Variants in EXOC6 observed in about 807,000 individuals in gnomAD.
EXOC6 encodes the protein exocyst complex component 6, also known as SEC15-like 1.
A neutral mutation model predicts 112.5 loss-of-function variants in EXOC6; 60 were observed. The observed-to-expected ratio is 0.53, with a 90% CI of 0.43 to 0.66. The LOEUF (loss-of-function observed/expected upper bound fraction) is 0.66. EXOC6 is among the 30% of genes least tolerant of loss of function. EXOC6 has a pLI of 0.00. For missense variants in EXOC6, 855 were observed against 957.1 expected, an observed-to-expected ratio of 0.89 and a Z score of 1.41; for synonymous variants, 295 against 308.0, an observed-to-expected ratio of 0.96 and a Z score of 0.44.
At chr10:92,873,696 A>C (rs1011045293) in intron 1 of EXOC6, among the ~76,000 whole-genome samples, 6 of 152,114 alleles carry the variant, frequency 3.9e-5, no homozygotes, top group Non-Finnish European at 8.8e-5. Flanking sequence ...TCATGGAAAA[A>C]CACATAGAAC....
At chr10:92,940,868 C>T (rs768431429) in intron 13 of EXOC6, 44 bp downstream of exon 13, 4 of 1,252,978 alleles carry the variant, frequency 3.2e-6, no homozygotes, top group African/African-American at 3.0e-5. Flanking sequence ...ATATGTTTGT[C>T]AAATGCTCAA....
chr10:92,882,682 T>A (rs1355663204), intron 1 of EXOC6, among the ~76,000 whole-genome samples: 1 of 152,176 alleles, frequency 6.6e-6, no homozygotes, highest in Non-Finnish European at 1.5e-5. Flanking sequence ...TTAAATAATA[T>A]TTTAGCCCAT....
chr10:92,861,163 C>T (rs1467304447), intron 1 of EXOC6, among the ~76,000 whole-genome samples: 2 of 152,242 alleles, frequency 1.3e-5, no homozygotes, highest in Non-Finnish European at 2.9e-5. Flanking sequence ...CTCTGTTCTA[C>T]ATAAGGTCAG....
At chr10:92,941,170 A>G (rs1852647837) in intron 13 of EXOC6, among the ~76,000 whole-genome samples, 1 of 152,200 alleles carries the variant, frequency 6.6e-6, no homozygotes, top group African/African-American at 2.4e-5. Context: ...TGTAAGTGGA[A>G]TCAGATATGT....
intron 1 of EXOC6, among the ~76,000 whole-genome samples, chr10:92,878,954 A>G (rs918293725): frequency 2.6e-5 from 4 of 152,202 alleles, no homozygotes; most frequent in African/African-American, 7.2e-5. Context: ...AAAAATATGT[A>G]TGTATTTCAG....
chr10:92,914,807 C>A lies in EXOC6; in HGVS notation c.664-951C>A, dbSNP rs868532302. Among the ~76,000 whole-genome samples, 6 of 152,264 alleles carry A rather than the reference C, an allele frequency of 3.9e-5. No homozygotes were observed. In the Middle Eastern group the frequency reaches 0.01, roughly 259 times the overall value. ...CTAAAATAGCCAGTGCACGACCTTT[C>A]TATGTGCTAACAGAACAAAATAGCA... On this transcript the variant is annotated intron_variant, in intron 6 of 21. Coordinates refer to ENST00000260762, the MANE Select transcript of EXOC6 (RefSeq NM_019053.6).
upstream of EXOC6, among the ~76,000 whole-genome samples, chr10:92,846,278 G>T (rs1467906358): frequency 6.6e-5 from 10 of 152,242 alleles, no homozygotes; most frequent in Non-Finnish European, 1.3e-4. Flanking sequence ...AAGAAAAGGG[G>T]TAGAGTTCTA....
intron 1 of EXOC6, among the ~76,000 whole-genome samples, chr10:92,855,788 A>G (rs923569861): frequency 1.3e-5 from 2 of 151,690 alleles, no homozygotes; most frequent in Non-Finnish European, 2.9e-5. Context: ...TGGTCATTCT[A>G]GATAAAGGTT....
intron 19 of EXOC6, among the ~76,000 whole-genome samples, chr10:93,011,709 T>A (rs1012221039): frequency 2.6e-5 from 4 of 152,174 alleles, no homozygotes; most frequent in African/African-American, 9.7e-5. Flanking sequence ...TAAGATGTAA[T>A]GATACTAGAG....
rs1042573836 is a variant in EXOC6 at position 92,995,616 on chromosome 10, C to T, written c.1954-1858C>T. ...ATTAAATGACATGCCATTGATTTCT[C>T]CTTTCTCTGCTTCCCCACTTCTCAT... On this transcript the variant is annotated intron_variant, in intron 18 of 21. Coordinates refer to ENST00000260762, the MANE Select transcript of EXOC6 (RefSeq NM_019053.6). Among the ~76,000 whole-genome samples the T allele has an allele frequency of 9.2e-5, 14 of 152,270 alleles. No individual in the cohort carries two copies. In the East Asian group the frequency reaches 2.7e-3, roughly 29 times the overall value.
At chr10:92,837,484 T>C (rs1195379120) in intron 1 of EXOC6, among the ~76,000 whole-genome samples, 1 of 152,056 alleles carries the variant, frequency 6.6e-6, no homozygotes, top group Non-Finnish European at 1.5e-5. Flanking sequence ...TGAAGCAACA[T>C]AGTGAGACCC....
chr10:92,857,211 A>G (rs538303001), intron 1 of EXOC6, among the ~76,000 whole-genome samples: 3 of 145,722 alleles, frequency 2.1e-5, no homozygotes, highest in Non-Finnish European at 3.0e-5. Context: ...CTGCTTTTGC[A>G]TTAAGCAAAT....
intron 1 of EXOC6, among the ~76,000 whole-genome samples, chr10:92,835,397 G>A (rs575993988): frequency 6.6e-6 from 1 of 152,228 alleles, no homozygotes; most frequent in African/African-American, 2.4e-5. Flanking sequence ...CACAGTTCAA[G>A]AACAGGATTA....
In EXOC6 at chr10:92,920,035, C is replaced by T; in HGVS notation, c.873C>T (p.His291=). 6.2e-7 allele frequency: 1 copy of T among 1,601,846 alleles called. No homozygotes were observed. The highest frequency in any genetic ancestry group is 8.5e-7 in the Non-Finnish European group (1 of 1,172,084). Residue 291 remains histidine, a synonymous_variant, in exon 8 of 22, where the codon CAC becomes CAT. Coordinates refer to ENST00000260762, the MANE Select transcript of EXOC6 (RefSeq NM_019053.6). ...VDFSPVYRCL[H]IYSVLGDEET... is the part of the protein sequence containing the mutation. ...TTTCCCCTGTTTATCGATGTTTGCA[C>T]ATTTATTCTGTTTTGGTAAGTATGT... is the stretch of plus-strand genomic sequence containing the variant.
At position 92,948,277 on chromosome 10, in the gene EXOC6, C is replaced by T. The variant is rs778618435; in HGVS notation, c.1314C>T (p.Asp438=). ...LLKKWAGVFR[D]IFEEDNYSPI... is the part of the protein sequence containing the mutation. ...TTCAATTTTCCTTTCCTAACAGGGA[C>T]ATTTTTGAAGAAGATAATTACAGCC... Residue 438 remains aspartate, a synonymous_variant, in exon 14 of 22, where the codon GAC becomes GAT. Transcript: ENST00000260762. The T allele has an allele frequency of 1.3e-5, 20 of 1,592,580 alleles. No homozygotes were observed. In the South Asian group the frequency reaches 1.9e-4, roughly 15 times the overall value.
chr10:92,838,045 C>T (rs550025168), intron 1 of EXOC6, among the ~76,000 whole-genome samples: 1 of 152,290 alleles, frequency 6.6e-6, no homozygotes, highest in African/African-American at 2.4e-5. Context: ...ATATCTGGGC[C>T]AGGTGGAGTT....
At chr10:93,053,348 T>A (rs1261334058) in intron 20 of EXOC6, among the ~76,000 whole-genome samples, 1 of 152,208 alleles carries the variant, frequency 6.6e-6, no homozygotes, top group African/African-American at 2.4e-5. Context: ...AAAGTCCTGG[T>A]TTTTTGTTTT....
chr10:92,970,250 A>AT (rs1020602552), intron 17 of EXOC6, among the ~76,000 whole-genome samples: 2 of 152,210 alleles, frequency 1.3e-5, no homozygotes, highest in African/African-American at 4.8e-5. Context: ...GGAAGAAAAA[A>AT]TGCGTGGTGC....
intron 12 of EXOC6, among the ~76,000 whole-genome samples, chr10:92,936,621 A>C (rs1018062709): frequency 6.6e-6 from 1 of 152,254 alleles, no homozygotes; most frequent in African/African-American, 2.4e-5. Context: ...GAAACAAACA[A>C]AAAAATAAGA....
Sources: allele counts gnomAD v4.1 joint callset (sites outside exome capture counted in the v4.1 genomes callset), GRCh38; gene constraint gnomAD v4.1.1; transcripts MANE v1.5; gene names NCBI Gene and HGNC (gene_info 2026-07-23, HGNC 2026-07-21).